Variants in RMND5A observed in about 807,000 individuals in gnomAD.
RMND5A encodes required for meiotic nuclear division 5 homolog A.
A neutral mutation model predicts 49.7 loss-of-function variants in RMND5A; 17 were observed. The observed-to-expected ratio is 0.34, with a 90% CI of 0.23 to 0.51. RMND5A has a LOEUF of 0.51. Among genes scored for constraint, RMND5A ranks in the 20% least tolerant of loss-of-function variants. The pLI is 0.96. For missense variants in RMND5A, 255 were observed against 471.3 expected (o/e 0.54, Z 4.25); for synonymous variants, 156 against 167.7 (o/e 0.93, Z 0.54).
chr2:86,762,682 TATATATATCATATATATCATATATATC>T (rs58739685), intron 4 of RMND5A, among the ~76,000 whole-genome samples: 81,835 of 131,264 alleles, frequency 0.62, 26,442 homozygotes, highest in East Asian at 0.78. Context: ...ATATATATCA[TATATATATCATATATATCATATATATC>T]ATATATATCA....
chr2:86,771,322 ATTGTTTGTCAGAC>A, intron 7 of RMND5A: 1 of 416,546 alleles, frequency 2.4e-6, no homozygotes. Context: ...TGATCAGGTC[ATTGTTTGTCAGAC>A]TTGTTTTTAC....
chr2:86,762,249 G>C (rs1017058627), intron 4 of RMND5A, among the ~76,000 whole-genome samples: 2 of 152,160 alleles, frequency 1.3e-5, no homozygotes, highest in Non-Finnish European at 2.9e-5. Context: ...GCCTTGTTCC[G>C]ATTAGTCATG....
At chr2:86,772,370 G>A (rs1672697751) in intron 8 of RMND5A, among the ~76,000 whole-genome samples, 1 of 152,120 alleles carries the variant, frequency 6.6e-6, no homozygotes, top group African/African-American at 2.4e-5. Flanking sequence ...CAGGAGAAGG[G>A]CGTGAACCCG....
intron 4 of RMND5A, among the ~76,000 whole-genome samples, chr2:86,758,528 T>TA (rs1194581572): frequency 6.6e-6 from 1 of 152,214 alleles, no homozygotes. Context: ...GCCTGCTAGA[T>TA]ATGTTGTCCA....
At chr2:86,763,336 G>A in intron 4 of RMND5A, among the ~76,000 whole-genome samples, 1 of 152,142 alleles carries the variant, frequency 6.6e-6, no homozygotes, top group East Asian at 1.9e-4. Flanking sequence ...TTGAAGGGGT[G>A]TATAAACTTT....
At chr2:86,772,120 C>T (rs1012923742) in intron 8 of RMND5A, among the ~76,000 whole-genome samples, 2 of 152,152 alleles carry the variant, frequency 1.3e-5, no homozygotes, top group African/African-American at 4.8e-5. Context: ...ATTGGGTAGC[C>T]AGTTCCCTAT....
rs1306085077 is a variant in RMND5A, at chr2:86,765,983, T to C, written c.813T>C (p.Cys271=). The change falls in exon 6 of 9, where the codon TGT becomes TGC. Residue 271 remains cysteine (C), a synonymous_variant. Transcript: ENST00000283632. ...DICDIFTRDA[C]ALLGLSVESP... ...GTGACATCTTTACACGGGATGCTTG[T>C]GCCCTCCTGGGGCTCTCCGTGGAGT... is the stretch of plus-strand genomic sequence containing the variant. 7.4e-6 allele frequency: 12 copies of C among 1,614,082 alleles called. No individual in the cohort carries two copies. The South Asian group carries it at 1.1e-4, about 15-fold the overall frequency.
In RMND5A at chr2:86,764,515, T is replaced by G. The variant is rs546503166; in HGVS notation, c.522-512T>G. On this transcript the variant is annotated intron_variant, in intron 4 of 8. Coordinates refer to ENST00000283632, the MANE Select transcript of RMND5A (RefSeq NM_022780.4). ...AGTAAGATTTACTGTATGATACTTG[T>G]CTAGCTTTATCTTCCTGATCAGATT... 5.6e-4 allele frequency among the ~76,000 whole-genome samples: 85 copies of G among 152,376 alleles called. 1 individual carries two copies. Among genetic ancestry groups the G allele is most frequent in the Non-Finnish European group, 9.8e-4 (67 of 68,036 alleles).
intron 5 of RMND5A, 63 bp downstream of exon 5, chr2:86,765,256 A>G: frequency 7.4e-7 from 1 of 1,353,516 alleles, no homozygotes; most frequent in Non-Finnish European, 1.0e-6. Context: ...CTGTAACTTA[A>G]CAGTTCTTAA....
At chr2:86,732,472 C>T (rs530917038) in intron 1 of RMND5A, among the ~76,000 whole-genome samples, 9 of 143,564 alleles carry the variant, frequency 6.3e-5, no homozygotes, top group African/African-American at 1.1e-4. Context: ...GAGCTGGACA[C>T]GAGACGTGCT....
chr2:86,760,027 T>G (rs1672414782), intron 4 of RMND5A, among the ~76,000 whole-genome samples: 1 of 152,120 alleles, frequency 6.6e-6, no homozygotes, highest in South Asian at 2.1e-4. Context: ...GAGATCTCTG[T>G]GTCCTTTCTC....
chr2:86,757,571 C>G (rs558704958), intron 4 of RMND5A, among the ~76,000 whole-genome samples: 1 of 152,042 alleles, frequency 6.6e-6, no homozygotes, highest in African/African-American at 2.4e-5. Flanking sequence ...CTTAATACAA[C>G]GAGGTGGGGG....
chr2:86,764,856 T>TA (rs1190656330), intron 4 of RMND5A, among the ~76,000 whole-genome samples, 171 bp from the exon 5 acceptor site: 1 of 152,240 alleles, frequency 6.6e-6, no homozygotes, highest in Non-Finnish European at 1.5e-5. Flanking sequence ...CAAGTGTAGT[T>TA]ATTGGTGGTT....
In RMND5A at chr2:86,774,627, G is replaced by A. The variant is rs1185407004; in HGVS notation, c.*1216G>A. 5 of 152,620 alleles carry A rather than the reference G, an allele frequency of 3.3e-5. No homozygotes were observed. Among genetic ancestry groups the A allele is most frequent in the African/African-American group, 1.2e-4 (5 of 41,450 alleles). 9.5% of individuals were successfully genotyped at this position (152,620 alleles called of 1,614,324 possible). A position where few individuals can be genotyped will look rare whatever the true frequency, so the allele number is the denominator to read the frequency against. ...TCTGTATGACGAACTACATGGAAAA[G>A]ACTTCTGTGGACATAATTCTGACCG... On this transcript the variant is annotated 3_prime_UTR_variant, in exon 9 of 9. Coordinates refer to ENST00000283632, the MANE Select transcript of RMND5A (RefSeq NM_022780.4).
intron 2 of RMND5A, among the ~76,000 whole-genome samples, chr2:86,750,460 A>G (rs1484836202): frequency 6.6e-6 from 1 of 151,982 alleles, no homozygotes; most frequent in Non-Finnish European, 1.5e-5. Context: ...GTTTCTGTTG[A>G]GAAATCTGTA....
intron 4 of RMND5A, among the ~76,000 whole-genome samples, chr2:86,759,192 A>G (rs1681799850): frequency 6.6e-6 from 1 of 152,224 alleles, no homozygotes; most frequent in Non-Finnish European, 1.5e-5. Flanking sequence ...CTGAGGGAGA[A>G]CCGCTAACTA....
chr2:86,757,332 T>A (rs560697558), intron 4 of RMND5A, among the ~76,000 whole-genome samples: 1 of 152,328 alleles, frequency 6.6e-6, no homozygotes, highest in East Asian at 1.9e-4. Flanking sequence ...TCCGTGCCCT[T>A]GTACCTCTGA....
chr2:86,729,588 G>A (rs2612892), intron 1 of RMND5A, among the ~76,000 whole-genome samples: 72,397 of 91,372 alleles, frequency 0.79, 29,795 homozygotes, highest in East Asian at 0.98. Context: ...AAAAAGGGGT[G>A]GGATTTGAGA....
At chr2:86,767,714 A>G (rs936521513) in intron 6 of RMND5A, among the ~76,000 whole-genome samples, 1 of 152,232 alleles carries the variant, frequency 6.6e-6, no homozygotes, top group Non-Finnish European at 1.5e-5. Flanking sequence ...GTAGCAGGGT[A>G]CAAAAAGTTT....
Sources: allele counts gnomAD v4.1 joint callset (sites outside exome capture counted in the v4.1 genomes callset), GRCh38; gene constraint gnomAD v4.1.1; transcripts MANE v1.5; gene names NCBI Gene and HGNC (gene_info 2026-07-23, HGNC 2026-07-21).